The following SPTBN4 variants were observed in gnomAD, a reference collection of about 807,000 sequenced individuals.
The protein encoded by SPTBN4 is spectrin beta, non-erythrocytic 4, also known as spectrin beta chain, non-erythrocytic 4.
SPTBN4 carries 96 observed loss-of-function variants against 277.8 expected under a neutral mutation model. The observed-to-expected ratio is 0.35, with a 90% confidence interval of 0.29 to 0.41. The LOEUF (loss-of-function observed/expected upper bound fraction) is 0.41. SPTBN4 is among the 10% of genes least tolerant of loss of function. The pLI is 1.00. For missense variants in SPTBN4, 3,006 were observed against 3,595.7 expected (o/e 0.84, Z 4.19); for synonymous variants, 1,481 against 1,580.3 (o/e 0.94, Z 1.49).
intron 20 of SPTBN4, among the ~76,000 whole-genome samples, chr19:40,547,747 T>C (rs970059231): frequency 1.3e-4 from 20 of 152,214 alleles, no homozygotes; most frequent in African/African-American, 4.8e-4. Flanking sequence ...TGATATCTCA[T>C]TGTGGTTTTG....
intron 35 of SPTBN4, 160 bp downstream of exon 35, chr19:40,572,540 G>T: frequency 1.1e-6 from 1 of 876,432 alleles, no homozygotes; most frequent in African/African-American, 1.7e-5. Context: ...CCCAAAGGAG[G>T]TTCCTAACCC....
chr19:40,506,755 A>C (rs1199849502), intron 13 of SPTBN4, among the ~76,000 whole-genome samples: 1 of 152,016 alleles, frequency 6.6e-6, no homozygotes, highest in African/African-American at 2.4e-5. Context: ...AGGCAGGAGG[A>C]TCACTTGAGC....
rs867844078 is a variant in SPTBN4 at position 40,504,084 on chromosome 19, G to A, written c.1617G>A (p.Lys539=). ...TRLEQNLALQ[K]VFQEMVYMVD... ...TTGAGCAGAACCTTGCCCTGCAGAA[G>A]GTCTTCCAGGAGATGGTGTACATGG... Residue 539 remains lysine, a synonymous_variant, in exon 12 of 36, where the codon AAG becomes AAA. Transcript: ENST00000598249. 1.9e-6 allele frequency: 3 copies of A among 1,606,798 alleles called. No homozygotes were observed. Among genetic ancestry groups the A allele is most frequent in the African/African-American group, 2.7e-5 (2 of 73,672 alleles).
intron 2 of SPTBN4, among the ~76,000 whole-genome samples, chr19:40,483,053 A>G (rs2080030363): frequency 6.6e-6 from 1 of 152,076 alleles, no homozygotes; most frequent in Non-Finnish European, 1.5e-5. Flanking sequence ...TCTCTCAAGT[A>G]TGAGTTCCCA....
chr19:40,537,665 G>A (rs1211366861), intron 20 of SPTBN4, among the ~76,000 whole-genome samples: 2 of 152,134 alleles, frequency 1.3e-5, no homozygotes, highest in Non-Finnish European at 1.5e-5. Context: ...AGCACAGAAA[G>A]GATCTGTGGC....
chr19:40,497,405 G>T (rs1568775822), intron 6 of SPTBN4, 84 bp from the exon 7 acceptor site: 1 of 983,564 alleles, frequency 1.0e-6, no homozygotes, highest in East Asian at 2.4e-5. Context: ...CCTGGGCAGT[G>T]CTCAGACAAG....
Position 40,570,512 on chromosome 19 carries a change from GGCCGGACCGGCCCCGGGC to G in SPTBN4, c.7106_7123del (p.Pro2369_Ala2374del). The G allele has an allele frequency of 2.6e-6, 4 of 1,513,134 alleles. No individual in the cohort carries two copies. The highest frequency in any genetic ancestry group is 3.5e-6 in the Non-Finnish European group (4 of 1,138,198). The allele number at this position is 1,513,134 out of a possible 1,614,324, so 93.7% of individuals were successfully genotyped here. ...CTTGAGCTGCCCGAGCGGACACCTC[GGCCGGACCGGCCCCGGGC>G]GCGGGACCGGCCCAAGCCGCGACGG... On this transcript the variant is annotated inframe_deletion, in exon 33 of 36. Coordinates refer to ENST00000598249, the MANE Select transcript of SPTBN4 (RefSeq NM_020971.3).
chr19:40,558,854 C>T (rs956614354), intron 26 of SPTBN4, among the ~76,000 whole-genome samples: 4 of 151,258 alleles, frequency 2.6e-5, no homozygotes, highest in Non-Finnish European at 5.9e-5. Flanking sequence ...GTGATCTACC[C>T]GTCTCGGCCT....
chr19:40,515,289 G>A lies in SPTBN4; in HGVS notation c.2766-22G>A. 1 of 1,611,242 alleles carries A rather than the reference G, an allele frequency of 6.2e-7. No individual in the cohort carries two copies. Among genetic ancestry groups the A allele is most frequent in the African/African-American group, 1.3e-5 (1 of 74,982 alleles). On this transcript the variant is annotated intron_variant, in intron 14 of 35. Transcript: ENST00000598249. This position sits in a 1 kb window ranked among gnomAD's most constrained non-coding sequence, Gnocchi z 4.1. ...CAAGGTCCGCAGGGTTCGGGTGTCT[G>A]AGCATCTCCATCCTCCTGCAGATTC...
intron 20 of SPTBN4, among the ~76,000 whole-genome samples, chr19:40,541,904 A>C (rs1473055706): frequency 6.7e-6 from 1 of 149,206 alleles, no homozygotes; most frequent in African/African-American, 2.5e-5. Context: ...ATGCCTGGCT[A>C]ATTTTTGTAT....
At chr19:40,471,588 T>C (rs367686141) in intron 1 of SPTBN4, among the ~76,000 whole-genome samples, 20 of 152,264 alleles carry the variant, frequency 1.3e-4, no homozygotes, top group East Asian at 1.2e-3. Flanking sequence ...TTATTATTAT[T>C]TAGAAATAGG....
chr19:40,556,896 C>T (rs2080984940), intron 25 of SPTBN4, 127 bp from the exon 26 acceptor site: 1 of 1,279,620 alleles, frequency 7.8e-7, no homozygotes, highest in African/African-American at 1.5e-5. Context: ...CCACTGCACG[C>T]CAACCTGGGC....
chr19:40,574,500 T>A (rs1042211103), intron 35 of SPTBN4, among the ~76,000 whole-genome samples: 6 of 152,102 alleles, frequency 3.9e-5, no homozygotes, highest in Middle Eastern at 3.4e-3. Flanking sequence ...TGACTGGGAT[T>A]ACAGGCTTGC....
intron 20 of SPTBN4, among the ~76,000 whole-genome samples, chr19:40,541,541 T>C (rs2080802018): frequency 6.6e-6 from 1 of 152,198 alleles, no homozygotes; most frequent in African/African-American, 2.4e-5. Flanking sequence ...CTGGCACGTT[T>C]CCTGGCTGTC....
Position 40,490,057 on chromosome 19 carries a change from C to T in SPTBN4, c.322-18C>T, listed in dbSNP as rs1162632354. The T allele has an allele frequency of 6.3e-6, 10 of 1,589,892 alleles. No homozygotes were observed. The highest frequency in any genetic ancestry group is 1.3e-5 in the African/African-American group (1 of 74,376). The stretch of plus-strand genomic sequence containing the variant: ...GTCTGTCCAGACCCCCGATCGCCCA[C>T]CGCCCCTGTCGCCCTAGCCCAGGCC... On this transcript the variant is annotated intron_variant, in intron 3 of 35. Transcript: ENST00000598249. The surrounding 1 kb of genome is among the most constrained non-coding windows in gnomAD (Gnocchi z 4.3).
At chr19:40,489,048 A>C (rs900117509) in intron 3 of SPTBN4, among the ~76,000 whole-genome samples, 1 of 151,512 alleles carries the variant, frequency 6.6e-6, no homozygotes, top group Non-Finnish European at 1.5e-5. Context: ...ATCAAAAAGC[A>C]TTAGCTGGGT....
At chr19:40,498,814 A>AT (rs2080231677) in intron 7 of SPTBN4, among the ~76,000 whole-genome samples, 1 of 150,640 alleles carries the variant, frequency 6.6e-6, no homozygotes, top group Non-Finnish European at 1.5e-5. Context: ...TGATTCTCCC[A>AT]TCTCAGCCTC....
In SPTBN4 at chr19:40,503,234, T is replaced by G. The variant is rs57827844; in HGVS notation, c.1362+301T>G. 8.4e-3 allele frequency among the ~76,000 whole-genome samples: 1,274 copies of G among 151,890 alleles called. 18 individuals are homozygous for G. Among genetic ancestry groups the G allele is most frequent in the African/African-American group, 0.03 (1,225 of 41,378 alleles). Reference sequence around the variant, plus strand: ...AAGTGACAAGGGAGGTTGTATCTTGTGTCTAGGGTAACTCAGAAGGATAGA... The same window carrying G: ...AAGTGACAAGGGAGGTTGTATCTTGGGTCTAGGGTAACTCAGAAGGATAGA... On this transcript the variant is annotated intron_variant, in intron 11 of 35. Coordinates refer to ENST00000598249, the MANE Select transcript of SPTBN4 (RefSeq NM_020971.3).
chr19:40,549,772 G>C lies in SPTBN4; in HGVS notation c.4584+359G>C, dbSNP rs576616586. Among the ~76,000 whole-genome samples, 36 of 152,322 alleles carry C rather than the reference G, an allele frequency of 2.4e-4. No homozygotes were observed. The South Asian group carries it at 7.5e-3, about 32-fold the overall frequency. ...AGTTGATCATTCTAGCCCCAGCCCT[G>C]TGTTTGGATGATAGTGGGGCCACAG... On this transcript the variant is annotated intron_variant, in intron 21 of 35. Coordinates refer to ENST00000598249, the MANE Select transcript of SPTBN4 (RefSeq NM_020971.3).
Sources: gnomAD v4.1 joint callset for allele counts (sites outside exome capture counted in the v4.1 genomes callset) on GRCh38, gnomAD v4.1.1 for gene constraint, Gnocchi (gnomAD v3.1) non-coding constraint, MANE v1.5 for transcripts, NCBI Gene and HGNC (gene_info 2026-07-23, HGNC 2026-07-21) for gene names.